ZFPM2: variants seen among roughly 807,000 people sequenced by gnomAD.
The protein encoded by ZFPM2 is zinc finger protein ZFPM2.
Under a neutral mutation model 98.6 loss-of-function variants are expected in ZFPM2, and 20 were observed. That is an observed-to-expected ratio of 0.20 (90% CI 0.14 to 0.29). ZFPM2 has a LOEUF of 0.29. Ranked by LOEUF, ZFPM2 falls within the 10% of genes least tolerant of loss-of-function variation. ZFPM2 has a pLI of 1.00. For synonymous variants in ZFPM2, 518 were observed against 502.7 expected (o/e 1.03, Z -0.41); for missense variants, 1,310 against 1,388.6 (o/e 0.94, Z 0.90).
In ZFPM2 at chr8:105,657,243, A is replaced by G. The variant is rs570273068; in HGVS notation, c.532+22886A>G. Among the ~76,000 whole-genome samples, 7 of 152,100 alleles carry G rather than the reference A, an allele frequency of 4.6e-5. No individual in the cohort carries two copies. In the East Asian group the frequency reaches 1.2e-3, roughly 25 times the overall value. On this transcript the variant is annotated intron_variant, in intron 5 of 7. Coordinates refer to ENST00000407775, the MANE Select transcript of ZFPM2 (RefSeq NM_012082.4). ...AACCTCTGTCTCCTGGGTTCAAGCA[A>G]TTCTTATGTCTCAGCCTCCCAAGTA... is the stretch of plus-strand genomic sequence containing the variant.
At chr8:105,447,791 C>T (rs572042488) in intron 3 of ZFPM2, among the ~76,000 whole-genome samples, 3 of 151,982 alleles carry the variant, frequency 2.0e-5, no homozygotes, top group African/African-American at 7.2e-5. Context: ...ACGACGACTC[C>T]ACAACCTTTC....
At chr8:105,764,688 C>A (rs962103293) in intron 5 of ZFPM2, among the ~76,000 whole-genome samples, 7 of 150,090 alleles carry the variant, frequency 4.7e-5, no homozygotes, top group African/African-American at 1.7e-4. Context: ...ATTTTTTTTT[C>A]TTTTAGTTTC....
chr8:105,434,564 G>A (rs555081689), intron 2 of ZFPM2, among the ~76,000 whole-genome samples: 1 of 152,068 alleles, frequency 6.6e-6, no homozygotes, highest in African/African-American at 2.4e-5. Context: ...TTCTGTGAAG[G>A]TATCCTAACT....
intron 3 of ZFPM2, among the ~76,000 whole-genome samples, chr8:105,524,039 C>T (rs72673731): frequency 0.27 from 40,460 of 152,038 alleles, 5,645 homozygotes; most frequent in African/African-American, 0.35. Context: ...CCTAGAGTTA[C>T]TGTATCAAGT....
intron 5 of ZFPM2, among the ~76,000 whole-genome samples, chr8:105,657,580 C>T (rs1246656349): frequency 6.6e-6 from 1 of 152,148 alleles, no homozygotes; most frequent in East Asian, 1.9e-4. Flanking sequence ...TACAGATCAA[C>T]ATCTAGACTT....
intron 5 of ZFPM2, among the ~76,000 whole-genome samples, chr8:105,714,951 G>T (rs930517093): frequency 1.2e-4 from 19 of 152,104 alleles, no homozygotes; most frequent in African/African-American, 4.3e-4. Flanking sequence ...CAATAAAGAA[G>T]TTGCTTATAC....
At chr8:105,394,972 C>G (rs1811192492) in intron 1 of ZFPM2, among the ~76,000 whole-genome samples, 1 of 152,140 alleles carries the variant, frequency 6.6e-6, no homozygotes. Flanking sequence ...TGGTCCTTTT[C>G]CCAATGTGGC....
rs529331874 is a variant in ZFPM2 at position 105,483,917 on chromosome 8, G to A, written c.301+39536G>A. Among the ~76,000 whole-genome samples the A allele has an allele frequency of 3.7e-4, 56 of 151,638 alleles. No homozygotes were observed. In the East Asian group the frequency reaches 9.2e-3, roughly 25 times the overall value. On this transcript the variant is annotated intron_variant, in intron 3 of 7. Transcript: ENST00000407775. ...CCCGGCTAATTTTTTTGTATTTTTA[G>A]TAGAGAGTGGGTTTCACCGTGTTAT...
intron 4 of ZFPM2, among the ~76,000 whole-genome samples, chr8:105,576,986 G>C (rs1054605645): frequency 5.9e-5 from 9 of 151,656 alleles, no homozygotes; most frequent in Non-Finnish European, 8.8e-5. Flanking sequence ...CATATGAAAG[G>C]GTAGTGGAAT....
intron 5 of ZFPM2, among the ~76,000 whole-genome samples, chr8:105,639,732 A>G (rs1816915642): frequency 6.6e-6 from 1 of 152,008 alleles, no homozygotes. Flanking sequence ...GTACACACTG[A>G]GAGAAAATGA....
intron 1 of ZFPM2, among the ~76,000 whole-genome samples, chr8:105,374,722 T>C (rs1461750081): frequency 6.6e-6 from 1 of 152,004 alleles, no homozygotes; most frequent in African/African-American, 2.4e-5. Context: ...ATAACAAAAC[T>C]CTGGTTAAGT....
chr8:105,451,298 A>T (rs899604044), intron 3 of ZFPM2, among the ~76,000 whole-genome samples: 1 of 152,190 alleles, frequency 6.6e-6, no homozygotes, highest in Non-Finnish European at 1.5e-5. Flanking sequence ...GTCAAATTTT[A>T]TAATTATCTT....
intron 1 of ZFPM2, among the ~76,000 whole-genome samples, chr8:105,374,161 C>G (rs1479348278): frequency 6.6e-6 from 1 of 151,984 alleles, no homozygotes; most frequent in Non-Finnish European, 1.5e-5. Flanking sequence ...TAGGCAGAGC[C>G]TAGAGGAAAT....
At chr8:105,393,296 T>TCTTC (rs898841293) in intron 1 of ZFPM2, among the ~76,000 whole-genome samples, 6 of 149,804 alleles carry the variant, frequency 4.0e-5, no homozygotes, top group African/African-American at 1.5e-4. Flanking sequence ...CTTCAGAATG[T>TCTTC]CTTCCTTCCT....
chr8:105,551,329 T>C lies in ZFPM2; in HGVS notation c.302-10034T>C, dbSNP rs79526837. Among the ~76,000 whole-genome samples the C allele has an allele frequency of 1.0e-3, 153 of 152,302 alleles. 4 individuals are homozygous for C. In the East Asian group the frequency reaches 0.028, roughly 28 times the overall value. On this transcript the variant is annotated intron_variant, in intron 3 of 7. Transcript: ENST00000407775. ...TATTTGAAGTGTGCTGGCAGTAGTA[T>C]TGAACTCAAGGAATGAACTCAAGTA...
chr8:105,397,538 A>G (rs1362522160), intron 1 of ZFPM2, among the ~76,000 whole-genome samples: 2 of 152,004 alleles, frequency 1.3e-5, no homozygotes, highest in East Asian at 1.9e-4. Context: ...TTTCCTTTTT[A>G]TGGTTGTTTT....
intron 5 of ZFPM2, among the ~76,000 whole-genome samples, chr8:105,660,615 A>G (rs911506596): frequency 6.6e-6 from 1 of 152,206 alleles, no homozygotes; most frequent in Admixed American, 6.5e-5. Context: ...CTATCTCTAT[A>G]TACACACATA....
intron 5 of ZFPM2, among the ~76,000 whole-genome samples, chr8:105,705,082 T>G (rs762254908): frequency 5.9e-5 from 9 of 152,204 alleles, no homozygotes; most frequent in South Asian, 2.1e-4. Context: ...ATGTTAATAC[T>G]GGAAAGCTAG....
intron 5 of ZFPM2, among the ~76,000 whole-genome samples, chr8:105,728,017 G>A (rs1483044554): frequency 6.6e-6 from 1 of 151,038 alleles, no homozygotes; most frequent in African/African-American, 2.4e-5. Flanking sequence ...ACGGGACAAT[G>A]TCATGAGAGA....
Sources: gnomAD v4.1 joint callset for allele counts (sites outside exome capture counted in the v4.1 genomes callset) on GRCh38, gnomAD v4.1.1 for gene constraint, MANE v1.5 for transcripts, NCBI Gene and HGNC (gene_info 2026-07-23, HGNC 2026-07-21) for gene names.